FOXP1: variants seen among roughly 807,000 people sequenced by gnomAD.
The protein encoded by FOXP1 is forkhead box P1.
Under a neutral mutation model 98.2 loss-of-function variants are expected in FOXP1, and 15 were observed. The observed-to-expected ratio is 0.15, with a 90% CI of 0.10 to 0.24. The LOEUF is 0.24. Among genes scored for constraint, FOXP1 ranks in the 10% least tolerant of loss-of-function variants. The pLI, the probability that FOXP1 is intolerant of heterozygous loss-of-function variation, is 1.00. For synonymous variants in FOXP1, 371 were observed against 314.5 expected (o/e 1.18, Z -1.90); for missense variants, 633 against 848.5 (o/e 0.75, Z 3.15).
chr3:71,136,384 G>A (rs907616699), intron 6 of FOXP1, among the ~76,000 whole-genome samples: 16 of 152,170 alleles, frequency 1.1e-4, no homozygotes, highest in African/African-American at 4.8e-5. Context: ...ACTAAATATT[G>A]TTTCCTTCAT....
At chr3:71,495,944 A>C (rs965675104) in intron 2 of FOXP1, among the ~76,000 whole-genome samples, 3 of 152,184 alleles carry the variant, frequency 2.0e-5, no homozygotes, top group Admixed American at 1.3e-4. Flanking sequence ...GAATGTGGCA[A>C]GCTGAGAAAT....
intron 5 of FOXP1, among the ~76,000 whole-genome samples, chr3:71,225,896 GC>G (rs1370178077): frequency 6.6e-6 from 1 of 152,204 alleles, no homozygotes; most frequent in Non-Finnish European, 1.5e-5. Context: ...GGGCACGGGG[GC>G]CCAAGACGGA....
At chr3:71,510,699 C>T (rs920044194) in intron 2 of FOXP1, among the ~76,000 whole-genome samples, 1 of 152,196 alleles carries the variant, frequency 6.6e-6, no homozygotes, top group South Asian at 2.1e-4. Flanking sequence ...TTCAACTAAG[C>T]TCTGTCCAAT....
rs115108040 is a variant in FOXP1, at chr3:71,379,386, T to C, written c.-167-20142A>G. ...AAATTATGTCAAGGACAAAGTCTCA[T>C]TTGGGTGCTGGTCTAATGCCTAACA... On this transcript the variant is annotated intron_variant, in intron 3 of 20. Coordinates refer to ENST00000649528, the MANE Select transcript of FOXP1 (RefSeq NM_001349338.3). 3.7e-3 allele frequency among the ~76,000 whole-genome samples: 560 copies of C among 152,244 alleles called. 2 individuals carry two copies. Among genetic ancestry groups the C allele is most frequent in the African/African-American group, 0.012 (502 of 41,542 alleles).
intron 6 of FOXP1, among the ~76,000 whole-genome samples, chr3:71,187,984 C>T (rs967430000): frequency 2.0e-5 from 3 of 152,174 alleles, no homozygotes; most frequent in African/African-American, 7.2e-5. Context: ...ATAAAGAGAA[C>T]TACTTCGTAT....
At chr3:71,210,672 G>T (rs934211964) in intron 5 of FOXP1, 5 of 152,178 alleles carry the variant, frequency 3.3e-5, no homozygotes, top group Admixed American at 1.3e-4. Flanking sequence ...AGAACAGAAC[G>T]TTCTCAGATT....
intron 4 of FOXP1, among the ~76,000 whole-genome samples, chr3:71,308,236 T>C (rs2074417222): frequency 6.6e-6 from 1 of 152,164 alleles, no homozygotes; most frequent in South Asian, 2.1e-4. Context: ...AGACATTTCA[T>C]TGTTCAAGCC....
At chr3:71,540,656 C>A (rs2044730673) in intron 2 of FOXP1, among the ~76,000 whole-genome samples, 1 of 152,194 alleles carries the variant, frequency 6.6e-6, no homozygotes, top group South Asian at 2.1e-4. Flanking sequence ...GCAGGGACAA[C>A]AGAGACCTGG....
At chr3:71,507,037 A>G (rs900530696) in intron 2 of FOXP1, among the ~76,000 whole-genome samples, 15 of 152,190 alleles carry the variant, frequency 9.9e-5, no homozygotes, top group Admixed American at 9.2e-4. Context: ...GGACCACACA[A>G]CTAAGTGAAC....
chr3:71,286,026 C>T (rs2072085767), intron 5 of FOXP1, among the ~76,000 whole-genome samples: 1 of 152,098 alleles, frequency 6.6e-6, no homozygotes, highest in Non-Finnish European at 1.5e-5. Flanking sequence ...GTACTTAAAC[C>T]CAGATAGTAT....
chr3:71,148,027 A>T (rs531054495), intron 6 of FOXP1, among the ~76,000 whole-genome samples: 1 of 152,354 alleles, frequency 6.6e-6, no homozygotes, highest in African/African-American at 2.4e-5. Context: ...TAAAAATCGC[A>T]TAAATCAATA....
At chr3:71,556,992 T>TA (rs996923231) in intron 2 of FOXP1, among the ~76,000 whole-genome samples, 3 of 150,280 alleles carry the variant, frequency 2.0e-5, no homozygotes, top group African/African-American at 7.4e-5. Context: ...ATTCAATGAC[T>TA]AAAAAAAAAG....
At chr3:71,031,787 C>G (rs988786756) in intron 11 of FOXP1, among the ~76,000 whole-genome samples, 1 of 152,096 alleles carries the variant, frequency 6.6e-6, no homozygotes, top group African/African-American at 2.4e-5. Context: ...GCAAGAACAA[C>G]AAAACCCACT....
At chr3:70,967,710 G>GTTT (rs756777959) in intron 19 of FOXP1, among the ~76,000 whole-genome samples, 36 of 68,866 alleles carry the variant, frequency 5.2e-4, no homozygotes, top group South Asian at 1.2e-3. Context: ...GTTTTTTTTT[G>GTTT]TTTTTTTTTT....
chr3:71,183,038 T>A (rs761265086), intron 6 of FOXP1, among the ~76,000 whole-genome samples: 4 of 152,182 alleles, frequency 2.6e-5, no homozygotes, highest in African/African-American at 4.8e-5. Flanking sequence ...TTTTTAACCT[T>A]CTTCTAAGGT....
chr3:71,520,109 T>C (rs779370272), intron 2 of FOXP1, among the ~76,000 whole-genome samples: 3 of 152,210 alleles, frequency 2.0e-5, no homozygotes, highest in Non-Finnish European at 4.4e-5. Context: ...CCATTCCCTA[T>C]TAACTCCATG....
At chr3:71,009,916 A>AATTTTTTTTT (rs1477863781) in intron 12 of FOXP1, among the ~76,000 whole-genome samples, 7 of 133,036 alleles carry the variant, frequency 5.3e-5, no homozygotes, top group African/African-American at 2.0e-4. Context: ...ACCCAGCTGA[A>AATTTTTTTTT]TTTTTTTTTT....
At chr3:71,466,926 T>C (rs2088818201) in intron 3 of FOXP1, among the ~76,000 whole-genome samples, 1 of 152,206 alleles carries the variant, frequency 6.6e-6, no homozygotes, top group Non-Finnish European at 1.5e-5. Context: ...TGTTTGTCTT[T>C]ACAATTTAAT....
intron 3 of FOXP1, among the ~76,000 whole-genome samples, chr3:71,487,117 G>A (rs1012694542): frequency 6.6e-6 from 1 of 151,412 alleles, no homozygotes; most frequent in African/African-American, 2.4e-5. Flanking sequence ...AAAAGAGAGC[G>A]ACATAGACTC....
Sources: allele counts gnomAD v4.1 joint callset (sites outside exome capture counted in the v4.1 genomes callset), GRCh38; gene constraint gnomAD v4.1.1; transcripts MANE v1.5; gene names NCBI Gene and HGNC (gene_info 2026-07-23, HGNC 2026-07-21).